Variants in MRTFB observed in about 807,000 individuals in gnomAD.
The protein encoded by MRTFB is myocardin-related transcription factor B.
In MRTFB, 29 loss-of-function variants were observed where a neutral mutation model predicts 104.2. The observed-to-expected ratio is 0.28, with a 90% CI of 0.21 to 0.38. The LOEUF (loss-of-function observed/expected upper bound fraction) is 0.38, where lower values mean the gene tolerates loss of function less well. Ranked by LOEUF, MRTFB falls within the 10% of genes least tolerant of loss-of-function variation. MRTFB has a pLI of 1.00. For synonymous variants in MRTFB, 535 were observed against 519.5 expected, an observed-to-expected ratio of 1.03 and a Z score of -0.41; for missense variants, 1,270 against 1,341.6, an observed-to-expected ratio of 0.95 and a Z score of 0.83.
chr16:14,211,296 A>G (rs1402963371), intron 4 of MRTFB, among the ~76,000 whole-genome samples: 1 of 152,184 alleles, frequency 6.6e-6, no homozygotes, highest in Non-Finnish European at 1.5e-5. Flanking sequence ...CTGACTATGA[A>G]CCAACTAATC....
intron 2 of MRTFB, among the ~76,000 whole-genome samples, chr16:14,125,763 C>T (rs2037076719): frequency 6.6e-6 from 1 of 152,118 alleles, no homozygotes. Flanking sequence ...GAGGTCATTT[C>T]CAAGTGATTT....
rs187940564 is a variant in MRTFB at position 14,240,086 on chromosome 16, T to C, written c.832-151T>C. The C allele has an allele frequency of 1.4e-4, 135 of 969,764 alleles. 1 individual carries two copies. In the African/African-American group the frequency reaches 1.9e-3, roughly 14 times the overall value. The allele number at this position is 969,764 out of a possible 1,614,324, so 60.1% of individuals were successfully genotyped here. ...TAATATGCAAACGTTTTCATGGCTT[T>C]TGAAACGAATTTAGCATATTGCTTT... On this transcript the variant is annotated intron_variant, in intron 9 of 16. Coordinates refer to ENST00000571589, the MANE Select transcript of MRTFB (RefSeq NM_001308142.2).
At chr16:14,218,712 T>G (rs889705154) in intron 7 of MRTFB, 108 bp from the exon 8 acceptor site, 2 of 1,149,054 alleles carry the variant, frequency 1.7e-6, no homozygotes, top group African/African-American at 3.1e-5. Flanking sequence ...AATTTTTTTT[T>G]TAAGCAGCTT....
rs979689984 is a variant in MRTFB, at chr16:14,133,200, CAA to C, written c.-63-7343_-63-7342del. Among the ~76,000 whole-genome samples the C allele has an allele frequency of 3.7e-4, 57 of 152,308 alleles. 1 individual carries two copies. Among genetic ancestry groups the C allele is most frequent in the African/African-American group, 1.3e-3 (55 of 41,552 alleles). The stretch of plus-strand genomic sequence containing the variant: ...GAAGACCAGCACATCTGTAAAGAGA[CAA>C]GAGATAGCCTTGACCCTGTATCAGA... On this transcript the variant is annotated intron_variant, in intron 2 of 16. Coordinates refer to ENST00000571589, the MANE Select transcript of MRTFB (RefSeq NM_001308142.2).
At chr16:14,116,376 G>T (rs1434858132) in intron 2 of MRTFB, among the ~76,000 whole-genome samples, 1 of 152,060 alleles carries the variant, frequency 6.6e-6, no homozygotes, top group Admixed American at 6.6e-5. Flanking sequence ...TTGTGTTTGG[G>T]CAATGTCTTA....
chr16:14,216,521 G>A (rs1478123041), intron 6 of MRTFB, among the ~76,000 whole-genome samples: 1 of 152,094 alleles, frequency 6.6e-6, no homozygotes, highest in African/African-American at 2.4e-5. Flanking sequence ...ATGAGTTGAT[G>A]CCTGTATACA....
intron 3 of MRTFB, among the ~76,000 whole-genome samples, chr16:14,180,246 C>T (rs2039723788): frequency 6.6e-6 from 1 of 152,176 alleles, no homozygotes; most frequent in South Asian, 2.1e-4. Context: ...TTAGTAAATG[C>T]ACATTGGCCT....
chr16:14,246,668 C>A lies in MRTFB; in HGVS notation c.1408C>A (p.Leu470Ile). 1 of 1,614,186 alleles carries A rather than the reference C, an allele frequency of 6.2e-7. No individual in the cohort carries two copies. Among genetic ancestry groups the A allele is most frequent in the Non-Finnish European group, 8.5e-7 (1 of 1,180,030 alleles). Residue 470 changes from leucine (L) to isoleucine (I), a missense_variant, in exon 12 of 17, where the codon CTA becomes ATA. Transcript: ENST00000571589. The part of the protein sequence containing the change: ...EVTVALPVTT[L>I]HNTVTSSVST... ...CACTGTGGCCTTGCCGGTTACAACA[C>A]TACACAACACTGTGACTAGCTCAGT...
At chr16:14,120,950 A>G (rs2036814786) in intron 2 of MRTFB, among the ~76,000 whole-genome samples, 2 of 152,182 alleles carry the variant, frequency 1.3e-5, no homozygotes, top group Admixed American at 1.3e-4. Context: ...TTTTTTTCAA[A>G]GAAGATTAAG....
At chr16:14,144,981 C>T (rs997152817) in intron 3 of MRTFB, among the ~76,000 whole-genome samples, 1 of 104,384 alleles carries the variant, frequency 9.6e-6, no homozygotes, top group South Asian at 3.3e-4. Flanking sequence ...TATATACATA[C>T]ATATATATAT....
intron 8 of MRTFB, among the ~76,000 whole-genome samples, chr16:14,220,797 T>C (rs2041659553): frequency 6.6e-6 from 1 of 152,180 alleles, no homozygotes; most frequent in South Asian, 2.1e-4. Context: ...ACTAGGGCGA[T>C]GGGAGAAGAC....
At chr16:14,130,229 T>A (rs535241839) in intron 2 of MRTFB, among the ~76,000 whole-genome samples, 1 of 152,314 alleles carries the variant, frequency 6.6e-6, no homozygotes, top group South Asian at 2.1e-4. Flanking sequence ...AAATAATTGA[T>A]TTGCAAAATG....
chr16:14,097,313 T>A (rs1456172738), intron 2 of MRTFB, among the ~76,000 whole-genome samples: 1 of 152,240 alleles, frequency 6.6e-6, no homozygotes, highest in Non-Finnish European at 1.5e-5. Flanking sequence ...TCTGGTAGTT[T>A]AGCTAAACAT....
chr16:14,084,718 T>A (rs1181366021), intron 2 of MRTFB, among the ~76,000 whole-genome samples: 4 of 152,228 alleles, frequency 2.6e-5, no homozygotes, highest in Admixed American at 2.6e-4. Context: ...TGTTTACTGA[T>A]GTTGAATCTC....
the MRTFB span, among the ~76,000 whole-genome samples, chr16:14,043,225 G>A: frequency 6.6e-6 from 1 of 152,070 alleles, no homozygotes; most frequent in Non-Finnish European, 1.5e-5. Flanking sequence ...TCACCTCTGC[G>A]TACTTCCATA....
chr16:14,043,364 G>C, the MRTFB span, among the ~76,000 whole-genome samples: 1 of 151,622 alleles, frequency 6.6e-6, no homozygotes, highest in Admixed American at 6.6e-5. Context: ...TTAGCAGATG[G>C]GTCCTATAGA....
Position 14,262,665 on chromosome 16 carries a change from A to C in MRTFB, c.*1221A>C, listed in dbSNP as rs1234459112. Reference sequence around the variant, plus strand: ...CTAAGATTGAAAAACTGGAGGCTTTATTAGTGTTTTTATATAGAAAACAGT... The same window carrying C: ...CTAAGATTGAAAAACTGGAGGCTTTCTTAGTGTTTTTATATAGAAAACAGT... On this transcript the variant is annotated 3_prime_UTR_variant, in exon 17 of 17. Transcript: ENST00000571589. The C allele has an allele frequency of 6.6e-6, 1 of 152,246 alleles. No individual in the cohort carries two copies. Among genetic ancestry groups the C allele is most frequent in the Non-Finnish European group, 1.5e-5 (1 of 68,032 alleles). 9.4% of individuals were successfully genotyped at this position (152,246 alleles called of 1,614,324 possible).
intron 2 of MRTFB, among the ~76,000 whole-genome samples, chr16:14,119,023 T>C (rs543299668): frequency 6.6e-6 from 1 of 152,208 alleles, no homozygotes; most frequent in Non-Finnish European, 1.5e-5. Flanking sequence ...CATTGTGGTA[T>C]GTGTCTCGTG....
intron 2 of MRTFB, among the ~76,000 whole-genome samples, chr16:14,105,371 A>G (rs1033498605): frequency 6.6e-6 from 1 of 151,782 alleles, no homozygotes; most frequent in Non-Finnish European, 1.5e-5. Flanking sequence ...TTGTATAGCT[A>G]TGCCCTGATT....
Sources: gnomAD v4.1 joint callset for allele counts (sites outside exome capture counted in the v4.1 genomes callset) on GRCh38, gnomAD v4.1.1 for gene constraint, MANE v1.5 for transcripts, NCBI Gene and HGNC (gene_info 2026-07-23, HGNC 2026-07-21) for gene names.